The following CPA4 variants were observed in gnomAD, a reference collection of about 807,000 sequenced individuals.
CPA4 encodes the protein carboxypeptidase A4, also known as carboxypeptidase A3.
CPA4 carries 49 observed loss-of-function variants against 54.7 expected under a neutral mutation model. The observed-to-expected ratio is 0.90, with a 90% CI of 0.71 to 1.14. The LOEUF is 1.14. Ranked by LOEUF, CPA4 falls within the 50% of genes most tolerant of loss-of-function variation. The pLI is 0.00. For synonymous variants in CPA4, 215 were observed against 206.8 expected, an observed-to-expected ratio of 1.04 and a Z score of -0.34; for missense variants, 487 against 525.1, an observed-to-expected ratio of 0.93 and a Z score of 0.71.
rs1584742263 is a variant in CPA4, at chr7:130,293,421, T to A, written c.68+173T>A. On this transcript the variant is annotated intron_variant, in intron 1 of 10. Coordinates refer to ENST00000222482, the MANE Select transcript of CPA4 (RefSeq NM_016352.4). ...CCACTCTCTTCTCTGAGACCCCATT[T>A]CATCTGTGAAATCAGGACTAGATGA... is the stretch of plus-strand genomic sequence containing the variant. The A allele has an allele frequency of 1.5e-5, 9 of 609,648 alleles. No individual in the cohort carries two copies. The East Asian group carries it at 2.6e-4, about 18-fold the overall frequency. 37.8% of individuals were successfully genotyped at this position (609,648 alleles called of 1,614,324 possible). A position where few individuals can be genotyped will look rare whatever the true frequency, so the allele number is the denominator to read the frequency against.
At chr7:130,318,830 G>C (rs1444444825) in intron 10 of CPA4, among the ~76,000 whole-genome samples, 1 of 152,130 alleles carries the variant, frequency 6.6e-6, no homozygotes, top group East Asian at 1.9e-4. Context: ...CAACGCCATA[G>C]GTTATGGTGT....
chr7:130,316,344 G>A (rs1385605552), intron 10 of CPA4, among the ~76,000 whole-genome samples: 3 of 152,158 alleles, frequency 2.0e-5, no homozygotes, highest in African/African-American at 4.8e-5. Context: ...ATTTAGAATC[G>A]CTGTATAAAT....
At chr7:130,314,870 G>A (rs938163731) in intron 10 of CPA4, among the ~76,000 whole-genome samples, 39 of 152,166 alleles carry the variant, frequency 2.6e-4, no homozygotes, top group African/African-American at 7.9e-4. Context: ...AGATGTAAGC[G>A]GCTTATGTGG....
Position 130,310,975 on chromosome 7 carries a change from G to A in CPA4, c.982G>A (p.Ala328Thr), listed in dbSNP as rs923810839. Residue 328 changes from alanine to threonine, a missense_variant, in exon 9 of 11, where the codon GCC (alanine) becomes ACC (threonine). Coordinates refer to ENST00000222482, the MANE Select transcript of CPA4 (RefSeq NM_016352.4). This position sits in a 1 kb window ranked among gnomAD's most constrained non-coding sequence, Gnocchi z 4.3. ...YGYSVKKAPD[A>T]EELDKVARLA... ...GTACTCAGTCAAAAAGGCCCCAGAT[G>A]CCGAGGAACTCGTGAGTCACAGCTG... The A allele has an allele frequency of 2.4e-5, 38 of 1,613,806 alleles. No homozygotes were observed. The highest frequency in any genetic ancestry group is 3.1e-5 in the Non-Finnish European group (36 of 1,179,980).
chr7:130,296,205 G>T (rs933876671), intron 1 of CPA4, among the ~76,000 whole-genome samples: 20 of 152,210 alleles, frequency 1.3e-4, no homozygotes, highest in Admixed American at 6.5e-5. Flanking sequence ...TACGCGGTGA[G>T]TTTGGGCTGG....
At chr7:130,307,192 A>G (rs1793835337) in intron 7 of CPA4, among the ~76,000 whole-genome samples, 1 of 152,026 alleles carries the variant, frequency 6.6e-6, no homozygotes, top group Admixed American at 6.6e-5. Flanking sequence ...TCAACACATT[A>G]TGTTATTTCA....
At position 130,323,931 on chromosome 7, in the gene CPA4, G is replaced by C. The variant is rs13227994; in HGVS notation, c.*1255G>C. 2 of 133,298 alleles carry C rather than the reference G, an allele frequency of 1.5e-5. No individual in the cohort carries two copies. The highest frequency in any genetic ancestry group is 3.3e-5 in the Non-Finnish European group (2 of 60,792). 8.3% of individuals were successfully genotyped at this position (133,298 alleles called of 1,614,324 possible). On this transcript the variant is annotated 3_prime_UTR_variant, in exon 11 of 11. Coordinates refer to ENST00000222482, the MANE Select transcript of CPA4 (RefSeq NM_016352.4). ...TGTGTGTGTGTGTGTGTGTGTGTGT[G>C]TGTGTTTGTGTGTGTGTGTCTGTCT...
chr7:130,312,196 C>CT (rs1793926335), intron 10 of CPA4, 74 bp downstream of exon 10: 2 of 1,079,928 alleles, frequency 1.9e-6, no homozygotes, highest in African/African-American at 1.5e-5. Context: ...GGGAGGAGGG[C>CT]TGTAAGTTAG....
intron 8 of CPA4, among the ~76,000 whole-genome samples, chr7:130,309,207 C>A (rs890524112): frequency 1.3e-5 from 2 of 152,182 alleles, no homozygotes; most frequent in Non-Finnish European, 2.9e-5. Context: ...TGATGTCTGT[C>A]TTCCCGAGAG....
intron 10 of CPA4, among the ~76,000 whole-genome samples, chr7:130,314,282 C>G (rs1463204736): frequency 6.6e-6 from 1 of 152,080 alleles, no homozygotes; most frequent in Non-Finnish European, 1.5e-5. Context: ...TGTTGTAAAA[C>G]GGGGGTGTGT....
At chr7:130,315,346 G>A (rs1793972991) in intron 10 of CPA4, among the ~76,000 whole-genome samples, 1 of 152,152 alleles carries the variant, frequency 6.6e-6, no homozygotes, top group South Asian at 2.1e-4. Flanking sequence ...GGAGGTTTAG[G>A]TGGGAGTGCC....
intron 8 of CPA4, 56 bp downstream of exon 8, chr7:130,308,453 AC>A: frequency 7.0e-7 from 1 of 1,425,516 alleles, no homozygotes; most frequent in Non-Finnish European, 9.9e-7. Flanking sequence ...CGCCTGGTCT[AC>A]CAGTGCTCTG....
intron 4 of CPA4, among the ~76,000 whole-genome samples, chr7:130,304,157 T>G (rs892493187): frequency 5.3e-5 from 8 of 152,198 alleles, no homozygotes; most frequent in Non-Finnish European, 8.8e-5. Flanking sequence ...TGAGTCACTG[T>G]GCCTGGCCGC....
At position 130,314,417 on chromosome 7, in the gene CPA4, C is replaced by G. The variant is rs181624509; in HGVS notation, c.1078+2295C>G. Among the ~76,000 whole-genome samples the G allele has an allele frequency of 7.0e-3, 1,069 of 152,312 alleles. 14 individuals are homozygous for G. Among genetic ancestry groups the G allele is most frequent in the African/African-American group, 0.025 (1,022 of 41,572 alleles). The stretch of plus-strand genomic sequence containing the variant: ...GCAGGATAATCGCTGACCAGGGTGT[C>G]AGCTCTTTTAACAAAGGAAGCTCCT... On this transcript the variant is annotated intron_variant, in intron 10 of 10. Transcript: ENST00000222482.
chr7:130,303,944 T>C (rs753231781), intron 4 of CPA4, among the ~76,000 whole-genome samples: 2 of 152,040 alleles, frequency 1.3e-5, no homozygotes, highest in Admixed American at 6.6e-5. Flanking sequence ...ACCTGGCTTG[T>C]TTTTATTTTA....
At position 130,322,803 on chromosome 7, in the gene CPA4, CCCCT is replaced by C; in HGVS notation, c.*129_*132del. 1.1e-6 allele frequency: 1 copy of C among 881,732 alleles called. No homozygotes were observed. The highest frequency in any genetic ancestry group is 1.7e-6 in the Non-Finnish European group (1 of 592,806). The allele number at this position is 881,732 out of a possible 1,614,324, so 54.6% of individuals were successfully genotyped here. A position where few individuals can be genotyped will look rare whatever the true frequency, so the allele number is the denominator to read the frequency against. On this transcript the variant is annotated 3_prime_UTR_variant, in exon 11 of 11. Transcript: ENST00000222482. Reference sequence around the variant, plus strand: ...TGGGTTTGTGGAGCACACAGGCCTGCCCCTCTCCAGCCAGCTCCCTGGAGTCGTG... The same window carrying C: ...TGGGTTTGTGGAGCACACAGGCCTGCCTCCAGCCAGCTCCCTGGAGTCGTG...
rs183921742 is a variant in CPA4, at chr7:130,298,706, A to G, written c.69-40A>G. Reference sequence around the variant, plus strand: ...TTTCTTTGCCAGCTGAAAGCTCATCATTATCTTTTGCTCTTTTTTCCTTTT... The same window carrying G: ...TTTCTTTGCCAGCTGAAAGCTCATCGTTATCTTTTGCTCTTTTTTCCTTTT... On this transcript the variant is annotated intron_variant, in intron 1 of 10. Coordinates refer to ENST00000222482, the MANE Select transcript of CPA4 (RefSeq NM_016352.4). 879 of 1,260,070 alleles carry G rather than the reference A, an allele frequency of 7.0e-4. 17 individuals are homozygous for G. The Admixed American group carries it at 0.015, about 21-fold the overall frequency. 78.1% of individuals were successfully genotyped at this position (1,260,070 alleles called of 1,614,324 possible). A position where few individuals can be genotyped will look rare whatever the true frequency, so the allele number is the denominator to read the frequency against.
Position 130,310,259 on chromosome 7 carries a change from T to G in CPA4, c.794-528T>G, listed in dbSNP as rs190518557. ...ACACACACACACGCACACACACACG[T>G]ATGCACGTGTGCACACACACACCCT... is the stretch of plus-strand genomic sequence containing the variant. On this transcript the variant is annotated intron_variant, in intron 8 of 10. Coordinates refer to ENST00000222482, the MANE Select transcript of CPA4 (RefSeq NM_016352.4). This position sits in a 1 kb window ranked among gnomAD's most constrained non-coding sequence, Gnocchi z 4.3. Among the ~76,000 whole-genome samples the G allele has an allele frequency of 1.4e-3, 212 of 152,182 alleles. 2 individuals are homozygous for G. The highest frequency in any genetic ancestry group is 6.8e-3 in the Middle Eastern group (2 of 292).
In CPA4 at chr7:130,322,821, C is replaced by G. The variant is rs1794138622; in HGVS notation, c.*145C>G. On this transcript the variant is annotated 3_prime_UTR_variant, in exon 11 of 11. Transcript: ENST00000222482. Reference sequence around the variant, plus strand: ...AGGCCTGCCCCTCTCCAGCCAGCTCCCTGGAGTCGTGTGTCCTGGCAGTGT... The same window carrying G: ...AGGCCTGCCCCTCTCCAGCCAGCTCGCTGGAGTCGTGTGTCCTGGCAGTGT... 13 of 730,634 alleles carry G rather than the reference C, an allele frequency of 1.8e-5. No individual in the cohort carries two copies. Among genetic ancestry groups the G allele is most frequent in the Admixed American group, 3.1e-5 (1 of 31,862 alleles). 45.3% of individuals were successfully genotyped at this position (730,634 alleles called of 1,614,324 possible). A position where few individuals can be genotyped will look rare whatever the true frequency, so the allele number is the denominator to read the frequency against.
Sources: gnomAD v4.1 joint callset for allele counts (sites outside exome capture counted in the v4.1 genomes callset) on GRCh38, gnomAD v4.1.1 for gene constraint, Gnocchi (gnomAD v3.1) non-coding constraint, MANE v1.5 for transcripts, NCBI Gene and HGNC (gene_info 2026-07-23, HGNC 2026-07-21) for gene names.